The following ACYP2 variants were observed in gnomAD, a reference collection of about 807,000 sequenced individuals.
The protein encoded by ACYP2 is acylphosphatase-2.
In ACYP2, 12 loss-of-function variants were observed where a neutral mutation model predicts 11.2. The observed-to-expected ratio is 1.08, with a 90% confidence interval of 0.69 to 1.74. The LOEUF (loss-of-function observed/expected upper bound fraction) is 1.74, where lower values mean the gene tolerates loss of function less well. Among genes scored for constraint, ACYP2 ranks in the 40% most tolerant of loss-of-function variants. The pLI, the probability that ACYP2 is intolerant of heterozygous loss-of-function variation, is 0.00. For synonymous variants in ACYP2, 43 were observed against 32.2 expected (o/e 1.33, Z -1.13); for missense variants, 134 against 101.9 (o/e 1.31, Z -1.35).
chr2:54,140,837 C>T (rs1234573494), intron 6 of ACYP2, among the ~76,000 whole-genome samples: 1 of 152,022 alleles, frequency 6.6e-6, no homozygotes. Context: ...ATTTTGATTG[C>T]ATAGGTTCCC....
chr2:54,182,996 C>T (rs140240764), intron 6 of ACYP2, among the ~76,000 whole-genome samples: 1 of 152,320 alleles, frequency 6.6e-6, no homozygotes, highest in East Asian at 1.9e-4. Context: ...CTAGGAACAA[C>T]TTACAGATAT....
chr2:54,073,260 T>G (rs145934802), intron 4 of ACYP2, among the ~76,000 whole-genome samples: 1 of 151,900 alleles, frequency 6.6e-6, no homozygotes, highest in South Asian at 2.1e-4. Context: ...GGTGTGGTAG[T>G]GCATGCCTGT....
chr2:54,276,813 A>C (rs574056125), intron 6 of ACYP2, among the ~76,000 whole-genome samples: 2 of 152,230 alleles, frequency 1.3e-5, no homozygotes, highest in Non-Finnish European at 2.9e-5. Context: ...CGGGGTAACC[A>C]CTATTATCCC....
chr2:54,032,840 G>A (rs1051467544), intron 2 of ACYP2, among the ~76,000 whole-genome samples: 10 of 152,124 alleles, frequency 6.6e-5, no homozygotes, highest in African/African-American at 2.4e-4. Context: ...ACAAATGGAA[G>A]GAGATTCCAT....
In ACYP2 at chr2:54,122,415, A is replaced by G. The variant is rs570932223; in HGVS notation, c.278-13038A>G. On this transcript the variant is annotated intron_variant, in intron 4 of 6. Coordinates refer to ENST00000607452, the MANE Select transcript of ACYP2 (RefSeq NM_001320586.2). Reference sequence around the variant, plus strand: ...ATCGTGCTGGAGTCTTTTATCACCAAAAGGGCTGATGTCTGCCCCAGTTTC... The same window carrying G: ...ATCGTGCTGGAGTCTTTTATCACCAGAAGGGCTGATGTCTGCCCCAGTTTC... Among the ~76,000 whole-genome samples, 188 of 152,290 alleles carry G rather than the reference A, an allele frequency of 1.2e-3. 1 individual carries two copies. Among genetic ancestry groups the G allele is most frequent in the African/African-American group, 4.5e-3 (186 of 41,550 alleles).
chr2:53,985,819 C>A (rs997888327), intron 2 of ACYP2, among the ~76,000 whole-genome samples: 1 of 152,110 alleles, frequency 6.6e-6, no homozygotes, highest in Non-Finnish European at 1.5e-5. Flanking sequence ...CATGAGATTT[C>A]ACCTGAAAGC....
At chr2:54,097,588 A>G (rs1007341673) in intron 4 of ACYP2, among the ~76,000 whole-genome samples, 2 of 152,084 alleles carry the variant, frequency 1.3e-5, no homozygotes, top group Non-Finnish European at 2.9e-5. Flanking sequence ...TCAAGCATAC[A>G]TGAAAGGAGG....
chr2:54,107,670 C>G (rs1315130840), intron 4 of ACYP2, among the ~76,000 whole-genome samples: 1 of 152,200 alleles, frequency 6.6e-6, no homozygotes, highest in Non-Finnish European at 1.5e-5. Flanking sequence ...CACTCACTCT[C>G]AATCTGAGCT....
chr2:54,178,778 G>C (rs770715426), intron 6 of ACYP2, among the ~76,000 whole-genome samples: 2 of 152,176 alleles, frequency 1.3e-5, no homozygotes, highest in Non-Finnish European at 2.9e-5. Flanking sequence ...AAAACACTAA[G>C]AGTAGGGTTT....
At chr2:54,210,680 A>C (rs1230751042) in intron 6 of ACYP2, among the ~76,000 whole-genome samples, 1 of 152,178 alleles carries the variant, frequency 6.6e-6, no homozygotes, top group Non-Finnish European at 1.5e-5. Flanking sequence ...TGTTTATTCA[A>C]AACAGTATTA....
chr2:54,071,471 G>T (rs74693460), intron 4 of ACYP2, among the ~76,000 whole-genome samples: 17,935 of 151,648 alleles, frequency 0.12, 1,083 homozygotes, highest in East Asian at 0.22. Flanking sequence ...TTTCTTTTCT[G>T]TCTTTTTTTT....
At chr2:54,304,142 T>TCTAC (rs1689828248) in intron 6 of ACYP2, among the ~76,000 whole-genome samples, 1 of 152,128 alleles carries the variant, frequency 6.6e-6, no homozygotes. Flanking sequence ...TAGATGAGCA[T>TCTAC]TTTTTCTTAA....
rs752327789 is a variant in ACYP2 at position 54,254,870 on chromosome 2, G to C, written c.405-49818G>C. On this transcript the variant is annotated intron_variant, in intron 6 of 6. Transcript: ENST00000607452. ...ATGCTGTTGCCCAAGCTCAGGTCCA[G>C]CTGGTGGTGGCAGGCAACCTTCTGC... 5 of 1,568,136 alleles carry C rather than the reference G, an allele frequency of 3.2e-6. No individual in the cohort carries two copies. The African/African-American group carries it at 4.1e-5, about 13-fold the overall frequency.
At chr2:54,272,937 T>A (rs950660193) in intron 6 of ACYP2, among the ~76,000 whole-genome samples, 1 of 152,254 alleles carries the variant, frequency 6.6e-6, no homozygotes, top group Non-Finnish European at 1.5e-5. Flanking sequence ...AAAGACTGTA[T>A]TTGTCATGAG....
At chr2:54,008,171 C>G (rs531283876) in intron 2 of ACYP2, among the ~76,000 whole-genome samples, 1 of 152,324 alleles carries the variant, frequency 6.6e-6, no homozygotes, top group African/African-American at 2.4e-5. Context: ...GGCTTAATGC[C>G]TCTTTCCTAG....
intron 2 of ACYP2, among the ~76,000 whole-genome samples, chr2:54,004,894 CAA>C (rs754230632): frequency 9.4e-5 from 3 of 31,930 alleles, no homozygotes; most frequent in Non-Finnish European, 2.0e-4. Context: ...GACTCTGTCT[CAA>C]AAAAAAAAAA....
intron 2 of ACYP2, among the ~76,000 whole-genome samples, chr2:54,011,599 A>G (rs781147785): frequency 6.6e-6 from 1 of 152,148 alleles, no homozygotes; most frequent in Non-Finnish European, 1.5e-5. Context: ...ATTTCTACTG[A>G]TTGCCCTTTC....
chr2:53,999,378 C>G lies in ACYP2; in HGVS notation c.62+25568C>G, dbSNP rs572239798. Among the ~76,000 whole-genome samples the G allele has an allele frequency of 2.0e-5, 3 of 152,242 alleles. No individual in the cohort carries two copies. The East Asian group carries it at 5.8e-4, about 29-fold the overall frequency. ...CCAAAAGCCAAGTTACCAAAACATG[C>G]CCAGGAAGGAAGGAGTCCCACTTAG... On this transcript the variant is annotated intron_variant, in intron 2 of 6. Transcript: ENST00000607452.
intron 4 of ACYP2, among the ~76,000 whole-genome samples, chr2:54,075,914 T>A (rs1463314800): frequency 6.6e-6 from 1 of 152,224 alleles, no homozygotes; most frequent in Non-Finnish European, 1.5e-5. Flanking sequence ...AATATGTCAC[T>A]CATATTGATA....
Sources: gnomAD v4.1 joint callset for allele counts (sites outside exome capture counted in the v4.1 genomes callset) on GRCh38, gnomAD v4.1.1 for gene constraint, MANE v1.5 for transcripts, NCBI Gene and HGNC (gene_info 2026-07-23, HGNC 2026-07-21) for gene names.